NTRK3: variants seen among roughly 807,000 people sequenced by gnomAD.
NTRK3 encodes the protein NT-3 growth factor receptor.
In NTRK3, 24 loss-of-function variants were observed where a neutral mutation model predicts 91.7. The ratio of observed to expected loss-of-function variants is 0.26; its 90% CI spans 0.19 to 0.37. The LOEUF (loss-of-function observed/expected upper bound fraction) is 0.37, where lower values mean the gene tolerates loss of function less well. Ranked by LOEUF, NTRK3 falls within the 10% of genes least tolerant of loss-of-function variation. The probability of loss-of-function intolerance (pLI) is 1.00; values close to 1 mark genes in which losing one functional copy is unlikely to be tolerated. For synonymous variants in NTRK3, 483 were observed against 404.0 expected (o/e 1.20, Z -2.34); for missense variants, 880 against 1,068.9 (o/e 0.82, Z 2.46).
chr15:87,870,730 C>T (rs1347699741), exon 19 of NTRK3: 1 of 222,926 alleles, frequency 4.5e-6, no homozygotes, highest in African/African-American at 2.2e-5. Flanking sequence ...AAACCAACTC[C>T]TTTTGTAAGA....
chr15:87,895,705 C>A (rs1305250957), intron 17 of NTRK3, among the ~76,000 whole-genome samples: 1 of 152,080 alleles, frequency 6.6e-6, no homozygotes, highest in Non-Finnish European at 1.5e-5. Flanking sequence ...CATTTTACAA[C>A]CTGCTCGCTC....
exon 19 of NTRK3, chr15:87,863,346 G>A (rs1425651970): frequency 2.2e-5 from 5 of 226,410 alleles, no homozygotes; most frequent in Non-Finnish European, 3.5e-5. Flanking sequence ...TCAGGATAGC[G>A]GGCCCCTTCA....
intron 14 of NTRK3, among the ~76,000 whole-genome samples, chr15:87,982,126 C>T (rs540650530): frequency 2.0e-5 from 3 of 152,292 alleles, no homozygotes; most frequent in East Asian, 1.9e-4. Context: ...AAGCTGCCTT[C>T]GTGAACATGA....
chr15:88,185,528 C>T (rs1402553751), intron 3 of NTRK3, among the ~76,000 whole-genome samples: 1 of 152,168 alleles, frequency 6.6e-6, no homozygotes, highest in Middle Eastern at 3.2e-3. Flanking sequence ...TCATACACAC[C>T]TGTGATCCCA....
chr15:88,101,189 A>G (rs1350539144), intron 13 of NTRK3, among the ~76,000 whole-genome samples: 2 of 152,366 alleles, frequency 1.3e-5, no homozygotes, highest in Non-Finnish European at 2.9e-5. Context: ...AAACAACCCC[A>G]TCAAAAAGTG....
intron 5 of NTRK3, among the ~76,000 whole-genome samples, chr15:88,173,400 C>T (rs1425653403): frequency 6.6e-6 from 1 of 152,274 alleles, no homozygotes; most frequent in African/African-American, 2.4e-5. Flanking sequence ...ACATCCAGGG[C>T]TGGTGTAGCC....
At chr15:88,178,350 T>G (rs960808999) in intron 5 of NTRK3, among the ~76,000 whole-genome samples, 5 of 152,256 alleles carry the variant, frequency 3.3e-5, no homozygotes, top group Non-Finnish European at 1.5e-5. Context: ...AGAAATTTAT[T>G]ACCTATGCAG....
chr15:88,002,182 T>TG (rs2076154038), intron 14 of NTRK3, among the ~76,000 whole-genome samples: 1 of 147,806 alleles, frequency 6.8e-6, no homozygotes, highest in Non-Finnish European at 1.5e-5. Flanking sequence ...TTTTTTTTTT[T>TG]TTTTTTTTTT....
chr15:87,968,609 T>C (rs982813050), intron 14 of NTRK3, among the ~76,000 whole-genome samples: 4 of 152,206 alleles, frequency 2.6e-5, no homozygotes, highest in Admixed American at 1.3e-4. Context: ...TATTGCTTGT[T>C]TGGAGCTCTA....
At chr15:88,036,081 A>C (rs578224183) in intron 13 of NTRK3, among the ~76,000 whole-genome samples, 1 of 152,324 alleles carries the variant, frequency 6.6e-6, no homozygotes, top group African/African-American at 2.4e-5. Context: ...GAATATGAAC[A>C]GAAGAGATGA....
At chr15:87,942,908 C>A (rs8032471) in intron 14 of NTRK3, among the ~76,000 whole-genome samples, 1 of 152,020 alleles carries the variant, frequency 6.6e-6, no homozygotes, top group African/African-American at 2.4e-5. Context: ...ATCAGGCATC[C>A]GCACCTGGTG....
intron 14 of NTRK3, among the ~76,000 whole-genome samples, chr15:88,030,498 T>C (rs1175980179): frequency 6.6e-6 from 1 of 152,166 alleles, no homozygotes. Flanking sequence ...TAACCTGGTA[T>C]CAGGAGCTTC....
intron 13 of NTRK3, among the ~76,000 whole-genome samples, chr15:88,123,566 C>A (rs902092872): frequency 1.3e-5 from 2 of 152,140 alleles, no homozygotes; most frequent in East Asian, 1.9e-4. Flanking sequence ...TATGAGTGAC[C>A]AATGGCCTGT....
At chr15:87,999,219 A>G (rs938215380) in intron 14 of NTRK3, among the ~76,000 whole-genome samples, 2 of 152,216 alleles carry the variant, frequency 1.3e-5, no homozygotes, top group Non-Finnish European at 2.9e-5. Flanking sequence ...GCTGGAAAGT[A>G]TAATACTGCA....
chr15:88,009,755 T>G (rs1340340669), intron 14 of NTRK3, among the ~76,000 whole-genome samples: 1 of 151,806 alleles, frequency 6.6e-6, no homozygotes, highest in Non-Finnish European at 1.5e-5. Context: ...GGAGCTGGAG[T>G]TGAAACTCAA....
At chr15:88,118,363 T>C (rs979605147) in intron 13 of NTRK3, among the ~76,000 whole-genome samples, 2 of 152,158 alleles carry the variant, frequency 1.3e-5, no homozygotes, top group Non-Finnish European at 2.9e-5. Context: ...AGAGAAAGAA[T>C]GTTCCATGAG....
At chr15:88,236,160 A>T (rs2051708774) in intron 3 of NTRK3, among the ~76,000 whole-genome samples, 1 of 152,232 alleles carries the variant, frequency 6.6e-6, no homozygotes, top group Non-Finnish European at 1.5e-5. Flanking sequence ...TTCATAGCAG[A>T]TTTATCCATA....
exon 6 of NTRK3, chr15:88,147,371 G>A (rs745856667): frequency 5.0e-6 from 8 of 1,613,870 alleles, no homozygotes; most frequent in Non-Finnish European, 6.8e-6. Flanking sequence ...GAGCTGCCAC[G>A]AGAGTGTGGT....
chr15:88,210,979 T>C (rs1365786386), intron 3 of NTRK3, among the ~76,000 whole-genome samples: 2 of 152,304 alleles, frequency 1.3e-5, no homozygotes, highest in East Asian at 3.9e-4. Context: ...GGCATTTATA[T>C]ACTCCACTCA....
Sources: allele counts gnomAD v4.1 joint callset (sites outside exome capture counted in the v4.1 genomes callset), GRCh38; gene constraint gnomAD v4.1.1; transcripts MANE v1.5; gene names NCBI Gene and HGNC (gene_info 2026-07-23, HGNC 2026-07-21).